Variants in ETV6 observed in about 807,000 individuals in gnomAD.
The protein encoded by ETV6 is transcription factor ETV6.
A neutral mutation model predicts 51.1 loss-of-function variants in ETV6; 16 were observed. That is an observed-to-expected ratio of 0.31 (90% confidence interval 0.21 to 0.48). The LOEUF (loss-of-function observed/expected upper bound fraction) is 0.48. Among genes scored for constraint, ETV6 ranks in the 20% least tolerant of loss-of-function variants. ETV6 has a pLI of 0.99. For synonymous variants in ETV6, 240 were observed against 224.1 expected (o/e 1.07, Z -0.64); for missense variants, 458 against 594.8 (o/e 0.77, Z 2.39).
chr12:11,732,600 G>A (rs908048642), intron 1 of ETV6, among the ~76,000 whole-genome samples: 9 of 152,026 alleles, frequency 5.9e-5, no homozygotes, highest in African/African-American at 1.5e-4. Context: ...TTCTGCCATC[G>A]TGCACTGTGT....
At chr12:11,828,240 C>G (rs1046634596) in intron 2 of ETV6, among the ~76,000 whole-genome samples, 1 of 152,014 alleles carries the variant, frequency 6.6e-6, no homozygotes, top group African/African-American at 2.4e-5. Context: ...CCTCATTGTA[C>G]GTAAATTAAG....
chr12:11,882,629 T>C (rs928612835), intron 5 of ETV6, among the ~76,000 whole-genome samples: 2 of 152,228 alleles, frequency 1.3e-5, no homozygotes, highest in African/African-American at 2.4e-5. Context: ...GTTGTTATTT[T>C]TATTACTTTC....
At chr12:11,739,590 A>G (rs535813332) in intron 1 of ETV6, among the ~76,000 whole-genome samples, 2 of 152,344 alleles carry the variant, frequency 1.3e-5, no homozygotes, top group South Asian at 4.1e-4. Flanking sequence ...ATTTCCAGCA[A>G]AAATTTAGTG....
intron 2 of ETV6, among the ~76,000 whole-genome samples, chr12:11,789,929 C>T (rs886198659): frequency 6.6e-6 from 1 of 152,148 alleles, no homozygotes; most frequent in African/African-American, 2.4e-5. Context: ...GATGCTCTTT[C>T]AATCTGGATA....
At chr12:11,674,349 G>GA (rs2120711961) in intron 1 of ETV6, among the ~76,000 whole-genome samples, 1 of 152,240 alleles carries the variant, frequency 6.6e-6, no homozygotes, top group East Asian at 1.9e-4. Flanking sequence ...CCTAGGAAGG[G>GA]AAGCTCAGGC....
intron 1 of ETV6, among the ~76,000 whole-genome samples, chr12:11,667,038 G>A (rs1353156491): frequency 6.6e-6 from 1 of 152,230 alleles, no homozygotes; most frequent in African/African-American, 2.4e-5. Flanking sequence ...GCATAGGTCT[G>A]TATATGAATG....
Position 11,891,680 on chromosome 12 carries a change from G to A in ETV6, c.*634G>A. The A allele has an allele frequency of 2.0e-6, 1 of 491,278 alleles. No homozygotes were observed. Among genetic ancestry groups the A allele is most frequent in the South Asian group, 1.7e-5 (1 of 57,712 alleles). 30.4% of individuals were successfully genotyped at this position (491,278 alleles called of 1,614,324 possible). ...TCTCTCTTGCTCTGTTCTTCCCTTG[G>A]TCCCCTCTGTCCTCCCGCCCTGCCT... On this transcript the variant is annotated 3_prime_UTR_variant, in exon 8 of 8. Coordinates refer to ENST00000396373, the MANE Select transcript of ETV6 (RefSeq NM_001987.5).
At chr12:11,676,359 T>C (rs968934457) in intron 1 of ETV6, among the ~76,000 whole-genome samples, 2 of 152,210 alleles carry the variant, frequency 1.3e-5, no homozygotes, top group Non-Finnish European at 2.9e-5. Flanking sequence ...TCCTAGACCA[T>C]TCCTTGCCCT....
At chr12:11,850,994 A>G (rs1227232199) in intron 3 of ETV6, among the ~76,000 whole-genome samples, 1 of 152,266 alleles carries the variant, frequency 6.6e-6, no homozygotes, top group East Asian at 1.9e-4. Context: ...CCCTCATAGC[A>G]AATGCTGGAG....
At chr12:11,758,323 C>T (rs1256096063) in intron 2 of ETV6, among the ~76,000 whole-genome samples, 2 of 152,156 alleles carry the variant, frequency 1.3e-5, no homozygotes, top group Non-Finnish European at 2.9e-5. Flanking sequence ...GGCCAGGTAG[C>T]TCACCAAAGC....
chr12:11,678,483 T>C (rs558541560), intron 1 of ETV6, among the ~76,000 whole-genome samples: 129 of 152,340 alleles, frequency 8.5e-4, no homozygotes, highest in Non-Finnish European at 1.5e-3. Context: ...TTCCTCCTGA[T>C]TTCCTTTCCC....
At chr12:11,818,834 T>G (rs1006268792) in intron 2 of ETV6, among the ~76,000 whole-genome samples, 1 of 152,104 alleles carries the variant, frequency 6.6e-6, no homozygotes, top group Non-Finnish European at 1.5e-5. Flanking sequence ...ACCCCTCCTC[T>G]GCAGGCTCCC....
chr12:11,724,306 A>G (rs1219557826), intron 1 of ETV6, among the ~76,000 whole-genome samples: 1 of 152,128 alleles, frequency 6.6e-6, no homozygotes, highest in East Asian at 1.9e-4. Context: ...GCTCCCAGAG[A>G]AAGGAGTATG....
chr12:11,891,874 C>T lies in ETV6; in HGVS notation c.*828C>T, dbSNP rs982306673. On this transcript the variant is annotated 3_prime_UTR_variant, in exon 8 of 8. Coordinates refer to ENST00000396373, the MANE Select transcript of ETV6 (RefSeq NM_001987.5). Reference sequence around the variant, plus strand: ...CATCTGAGGGAGGCCAAAATCATCACAGATGCTGCTGTGCTGCAGACAGAT... The same window carrying T: ...CATCTGAGGGAGGCCAAAATCATCATAGATGCTGCTGTGCTGCAGACAGAT... 2 of 306,836 alleles carry T rather than the reference C, an allele frequency of 6.5e-6. No homozygotes were observed. The highest frequency in any genetic ancestry group is 4.2e-5 in the African/African-American group (2 of 47,782). The allele number at this position is 306,836 out of a possible 1,614,324, so 19.0% of individuals were successfully genotyped here. A position where few individuals can be genotyped will look rare whatever the true frequency, so the allele number is the denominator to read the frequency against.
chr12:11,751,520 T>G lies in ETV6; in HGVS notation c.34-930T>G, dbSNP rs971739567. ...TCTAAGCTACAAATTGCACTGCTGT[T>G]TTGCCGAACCCAACAGTCGGTTTCT... On this transcript the variant is annotated intron_variant, in intron 1 of 7. Coordinates refer to ENST00000396373, the MANE Select transcript of ETV6 (RefSeq NM_001987.5). The G allele has an allele frequency of 1.2e-5, 6 of 506,626 alleles. No individual in the cohort carries two copies. The Admixed American group carries it at 1.2e-4, about 10-fold the overall frequency. 31.4% of individuals were successfully genotyped at this position (506,626 alleles called of 1,614,324 possible).
At chr12:11,767,858 G>A (rs2051523) in intron 2 of ETV6, among the ~76,000 whole-genome samples, 15,689 of 152,238 alleles carry the variant, frequency 0.1, 1,071 homozygotes, top group Non-Finnish European at 0.15. Context: ...GGAAAAATGG[G>A]TGCTTGCCAG....
intron 1 of ETV6, among the ~76,000 whole-genome samples, chr12:11,748,610 G>T (rs1865950344): frequency 6.6e-6 from 1 of 152,082 alleles, no homozygotes; most frequent in South Asian, 2.1e-4. Context: ...AGACCTTTTG[G>T]TAATAATATT....
intron 4 of ETV6, among the ~76,000 whole-genome samples, chr12:11,867,206 G>A (rs1426709720): frequency 3.3e-5 from 5 of 152,100 alleles, no homozygotes; most frequent in Admixed American, 2.0e-4. Flanking sequence ...TTTGGTACAC[G>A]CCACTCTGCT....
At chr12:11,732,241 T>C (rs13377661) in intron 1 of ETV6, among the ~76,000 whole-genome samples, 8,960 of 152,248 alleles carry the variant, frequency 0.059, 846 homozygotes, top group African/African-American at 0.2. Flanking sequence ...TCTGGTTTCT[T>C]GTTTTTTTGT....
Sources: allele counts gnomAD v4.1 joint callset (sites outside exome capture counted in the v4.1 genomes callset), GRCh38; gene constraint gnomAD v4.1.1; transcripts MANE v1.5; gene names NCBI Gene and HGNC (gene_info 2026-07-23, HGNC 2026-07-21).